The following WDR70 variants were observed in gnomAD, a reference collection of about 807,000 sequenced individuals.
WDR70 encodes the protein WD repeat domain 70.
Under a neutral mutation model 88.6 loss-of-function variants are expected in WDR70, and 53 were observed. The observed-to-expected ratio is 0.60, with a 90% CI of 0.48 to 0.75. WDR70 has a LOEUF of 0.75. Among genes scored for constraint, WDR70 ranks in the 30% least tolerant of loss-of-function variants. The probability of loss-of-function intolerance (pLI) is 0.00; values close to 1 mark genes in which losing one functional copy is unlikely to be tolerated. For synonymous variants in WDR70, 280 were observed against 270.0 expected (o/e 1.04, Z -0.36); for missense variants, 610 against 823.2 (o/e 0.74, Z 3.17).
At chr5:37,526,970 G>A (rs1741298274) in intron 9 of WDR70, among the ~76,000 whole-genome samples, 1 of 152,148 alleles carries the variant, frequency 6.6e-6, no homozygotes, top group Non-Finnish European at 1.5e-5. Context: ...ACTGCTCAAT[G>A]AAATGAAAGA....
At chr5:37,389,341 G>A (rs1748737396) in intron 3 of WDR70, among the ~76,000 whole-genome samples, 1 of 149,534 alleles carries the variant, frequency 6.7e-6, no homozygotes, top group Admixed American at 6.6e-5. Flanking sequence ...CAAGCCACCC[G>A]CCTCGGCCTC....
intron 8 of WDR70, among the ~76,000 whole-genome samples, chr5:37,510,085 C>G (rs28491140): frequency 0.02 from 2,946 of 150,536 alleles, 88 homozygotes; most frequent in African/African-American, 0.068. Context: ...ACTCCCCCCC[C>G]CAAAAAAAAA....
intron 10 of WDR70, among the ~76,000 whole-genome samples, chr5:37,643,103 G>A (rs1745148720): frequency 6.6e-6 from 1 of 152,040 alleles, no homozygotes; most frequent in African/African-American, 2.4e-5. Context: ...TTTTCTTGTA[G>A]TAGTTTTATA....
chr5:37,579,367 T>C (rs489171), intron 9 of WDR70, among the ~76,000 whole-genome samples: 152,057 of 152,130 alleles, frequency 1, 75,993 homozygotes, highest in Middle Eastern at 1. Context: ...GGGTGGATCA[T>C]GAGGTCAAGA....
intron 7 of WDR70, chr5:37,479,619 C>T (rs909213082): frequency 4.6e-6 from 2 of 435,254 alleles, no homozygotes; most frequent in Non-Finnish European, 8.2e-6. Flanking sequence ...GATCCATCTG[C>T]CTTGGCCTCC....
intron 8 of WDR70, among the ~76,000 whole-genome samples, chr5:37,495,487 C>CGTGT (rs546438882): frequency 2.7e-5 from 4 of 149,758 alleles, no homozygotes; most frequent in Non-Finnish European, 4.5e-5. Flanking sequence ...TGTGTGTGTG[C>CGTGT]GTGTGTGTGT....
At chr5:37,439,410 G>A (rs974807876) in intron 6 of WDR70, among the ~76,000 whole-genome samples, 1 of 152,214 alleles carries the variant, frequency 6.6e-6, no homozygotes, top group Non-Finnish European at 1.5e-5. Context: ...AGGAAAAATT[G>A]TAGACTGAGT....
At chr5:37,437,843 A>G (rs1184607988) in intron 5 of WDR70, 79 bp from the exon 6 acceptor site, 8 of 1,359,156 alleles carry the variant, frequency 5.9e-6, no homozygotes, top group Non-Finnish European at 8.0e-6. Flanking sequence ...AAAAAATTGT[A>G]TTTCCTGTGA....
intron 5 of WDR70, among the ~76,000 whole-genome samples, chr5:37,422,504 G>A (rs1749976322): frequency 6.6e-6 from 1 of 151,662 alleles, no homozygotes; most frequent in Admixed American, 6.6e-5. Flanking sequence ...TTTAGACAGA[G>A]TCTCACTCTG....
At chr5:37,385,550 C>T (rs10085133) in intron 3 of WDR70, among the ~76,000 whole-genome samples, 136,162 of 140,152 alleles carry the variant, frequency 0.97, 66,305 homozygotes, top group East Asian at 1. Context: ...AAAATTTCTA[C>T]AGATCTTAAT....
intron 9 of WDR70, among the ~76,000 whole-genome samples, chr5:37,547,218 G>A (rs995675882): frequency 6.6e-6 from 1 of 152,172 alleles, no homozygotes; most frequent in Non-Finnish European, 1.5e-5. Flanking sequence ...GGAGAATGCT[G>A]TTCCTATGAA....
At chr5:37,608,302 A>C (rs535369406) in intron 10 of WDR70, among the ~76,000 whole-genome samples, 3 of 152,178 alleles carry the variant, frequency 2.0e-5, no homozygotes, top group Admixed American at 2.0e-4. Flanking sequence ...GGCCTCCCAA[A>C]GTGCTAGGAT....
intron 9 of WDR70, among the ~76,000 whole-genome samples, chr5:37,549,657 G>T (rs1251529339): frequency 2.6e-5 from 4 of 152,078 alleles, no homozygotes; most frequent in African/African-American, 9.7e-5. Context: ...CACTAGCTAG[G>T]ACTTCCAGCA....
intron 3 of WDR70, among the ~76,000 whole-genome samples, chr5:37,385,046 G>A (rs185693597): frequency 4.6e-5 from 7 of 152,124 alleles, no homozygotes; most frequent in South Asian, 2.1e-4. Flanking sequence ...CTTTACTTGC[G>A]TTTAACAGTT....
intron 9 of WDR70, among the ~76,000 whole-genome samples, chr5:37,591,457 G>A (rs919524863): frequency 1.4e-5 from 2 of 141,488 alleles, no homozygotes; most frequent in East Asian, 3.8e-4. Flanking sequence ...TAGACGAAAT[G>A]GAAAAATTTC....
At chr5:37,716,335 A>G (rs1287278915) in intron 13 of WDR70, among the ~76,000 whole-genome samples, 1 of 152,224 alleles carries the variant, frequency 6.6e-6, no homozygotes, top group Admixed American at 6.5e-5. Context: ...TTTCTTTTAT[A>G]GTAACATTTG....
At chr5:37,468,004 G>A (rs553084540) in intron 7 of WDR70, among the ~76,000 whole-genome samples, 39 of 152,022 alleles carry the variant, frequency 2.6e-4, no homozygotes, top group African/African-American at 9.2e-4. Flanking sequence ...GTGAGCCACC[G>A]CGCCTGGCCT....
chr5:37,435,370 A>G (rs1334111081), intron 5 of WDR70, among the ~76,000 whole-genome samples: 6 of 152,206 alleles, frequency 3.9e-5, no homozygotes, highest in Non-Finnish European at 8.8e-5. Flanking sequence ...CTTACAAATG[A>G]GTTTTCATTA....
At chr5:37,522,014 G>A (rs1741108490) in intron 9 of WDR70, among the ~76,000 whole-genome samples, 1 of 152,026 alleles carries the variant, frequency 6.6e-6, no homozygotes, top group Non-Finnish European at 1.5e-5. Flanking sequence ...CATTTTCACT[G>A]CATCCCCACC....
Sources: allele counts gnomAD v4.1 joint callset (sites outside exome capture counted in the v4.1 genomes callset), GRCh38; gene constraint gnomAD v4.1.1; transcripts MANE v1.5; gene names NCBI Gene and HGNC (gene_info 2026-07-23, HGNC 2026-07-21).